OPCML: variants seen among roughly 807,000 people sequenced by gnomAD.
The protein encoded by OPCML is opioid binding protein/cell adhesion molecule like, also known as opioid-binding protein/cell adhesion molecule.
A neutral mutation model predicts 37.8 loss-of-function variants in OPCML; 13 were observed. The ratio of observed to expected loss-of-function variants is 0.34; its 90% CI spans 0.22 to 0.55. OPCML has a LOEUF of 0.55. OPCML is among the 20% of genes least tolerant of loss of function. OPCML has a pLI of 0.91. For synonymous variants in OPCML, 176 were observed against 168.8 expected (o/e 1.04, Z -0.33); for missense variants, 341 against 435.6 (o/e 0.78, Z 1.93).
At chr11:132,660,250 A>T (rs1219034431) in intron 2 of OPCML, among the ~76,000 whole-genome samples, 1 of 152,232 alleles carries the variant, frequency 6.6e-6, no homozygotes, top group Non-Finnish European at 1.5e-5. Flanking sequence ...CCTTGTTCAC[A>T]TAAGAAGATG....
chr11:132,668,610 C>A (rs1212363218), intron 2 of OPCML, among the ~76,000 whole-genome samples: 2 of 152,170 alleles, frequency 1.3e-5, no homozygotes, highest in Admixed American at 1.3e-4. Context: ...ATAATTCAAG[C>A]TCTATGATCT....
chr11:133,268,938 T>C (rs1246485621), intron 1 of OPCML, among the ~76,000 whole-genome samples: 1 of 152,188 alleles, frequency 6.6e-6, no homozygotes, highest in African/African-American at 2.4e-5. Context: ...AGGACTTACA[T>C]CCATTGTAAA....
chr11:133,179,432 T>C (rs1937714645), intron 1 of OPCML, among the ~76,000 whole-genome samples: 1 of 152,030 alleles, frequency 6.6e-6, no homozygotes, highest in African/African-American at 2.4e-5. Flanking sequence ...GAACAGCACC[T>C]GGGACTTCTC....
intron 1 of OPCML, among the ~76,000 whole-genome samples, chr11:133,342,193 C>A (rs1412439231): frequency 2.0e-5 from 3 of 152,064 alleles, no homozygotes; most frequent in African/African-American, 7.2e-5. Context: ...TTCAACCATC[C>A]CTAGAGGCCT....
At chr11:132,475,736 A>G (rs1380346874) in intron 4 of OPCML, among the ~76,000 whole-genome samples, 1 of 152,194 alleles carries the variant, frequency 6.6e-6, no homozygotes, top group South Asian at 2.1e-4. Flanking sequence ...ATTATGTAAT[A>G]TTTTCTTATG....
At chr11:132,938,886 A>G (rs184595576) in intron 2 of OPCML, among the ~76,000 whole-genome samples, 1 of 152,166 alleles carries the variant, frequency 6.6e-6, no homozygotes, top group Non-Finnish European at 1.5e-5. Flanking sequence ...ACTGGAAAAG[A>G]TGTTTTCAAT....
intron 1 of OPCML, among the ~76,000 whole-genome samples, chr11:132,972,375 C>T (rs577549607): frequency 6.6e-6 from 1 of 152,200 alleles, no homozygotes; most frequent in Admixed American, 6.5e-5. Flanking sequence ...GCAACTGCAA[C>T]CTGACTGGCA....
At chr11:133,421,685 T>A (rs1359730260) in intron 1 of OPCML, 16 of 985,306 alleles carry the variant, frequency 1.6e-5, no homozygotes, top group Non-Finnish European at 1.8e-5. Flanking sequence ...TTATTGAAAC[T>A]TGCCTTCCTT....
intron 2 of OPCML, among the ~76,000 whole-genome samples, chr11:132,745,604 GAAA>G (rs896705065): frequency 1.4e-5 from 2 of 140,246 alleles, no homozygotes; most frequent in Admixed American, 7.0e-5. Flanking sequence ...AAGAAAGAAA[GAAA>G]AAAAAAGGAC....
At chr11:133,084,726 C>T (rs1320697191) in intron 1 of OPCML, among the ~76,000 whole-genome samples, 6 of 152,214 alleles carry the variant, frequency 3.9e-5, no homozygotes, top group Non-Finnish European at 8.8e-5. Context: ...TCCTTCTGCA[C>T]TGCGAGTATG....
intron 1 of OPCML, among the ~76,000 whole-genome samples, chr11:133,069,559 CGT>C (rs1044720331): frequency 1.3e-5 from 2 of 152,162 alleles, no homozygotes; most frequent in Non-Finnish European, 2.9e-5. Context: ...CACTATCAAA[CGT>C]GTGTGTGCGA....
intron 1 of OPCML, chr11:133,118,074 G>T: frequency 1.6e-6 from 1 of 631,214 alleles, no homozygotes; most frequent in South Asian, 7.1e-5. Flanking sequence ...AAAGAAACAT[G>T]CCGCAGTCTG....
intron 1 of OPCML, among the ~76,000 whole-genome samples, chr11:133,121,929 T>C (rs1345858208): frequency 6.6e-6 from 1 of 152,232 alleles, no homozygotes; most frequent in East Asian, 1.9e-4. Context: ...TCATTTATAA[T>C]TACGCCTTAT....
At chr11:132,977,764 T>C (rs1283473551) in intron 1 of OPCML, among the ~76,000 whole-genome samples, 2 of 152,210 alleles carry the variant, frequency 1.3e-5, no homozygotes, top group Non-Finnish European at 2.9e-5. Flanking sequence ...TGTATTTAAT[T>C]CAATTCCAAA....
rs77274067 is a variant in OPCML at position 133,038,931 on chromosome 11, A to C, written c.62-95921T>G. On this transcript the variant is annotated intron_variant, in intron 1 of 7. Transcript: ENST00000524381. ...GACTGAGAGCTACAAAGCGTCCTGC[A>C]GTCTCATACTGCTTCTCATCTGTGA... 7.1e-3 allele frequency among the ~76,000 whole-genome samples: 1,080 copies of C among 152,216 alleles called. 14 individuals carry two copies. Among genetic ancestry groups the C allele is most frequent in the African/African-American group, 0.025 (1,024 of 41,532 alleles).
At chr11:133,030,549 G>A (rs980191504) in intron 1 of OPCML, among the ~76,000 whole-genome samples, 2 of 152,202 alleles carry the variant, frequency 1.3e-5, no homozygotes, top group East Asian at 1.9e-4. Context: ...TTCAAGGAAC[G>A]AATCCACATC....
intron 2 of OPCML, among the ~76,000 whole-genome samples, chr11:132,813,413 A>G (rs1939456334): frequency 6.6e-6 from 1 of 152,222 alleles, no homozygotes; most frequent in African/African-American, 2.4e-5. Context: ...TTAATTCTGC[A>G]GAAGTACCAG....
At chr11:133,125,674 G>T (rs1949492245) in intron 1 of OPCML, among the ~76,000 whole-genome samples, 1 of 127,672 alleles carries the variant, frequency 7.8e-6, no homozygotes, top group African/African-American at 3.0e-5. Context: ...ATATAGTATA[G>T]TATATGTATA....
intron 4 of OPCML, among the ~76,000 whole-genome samples, chr11:132,505,171 G>T (rs188450391): frequency 6.6e-6 from 1 of 152,308 alleles, no homozygotes; most frequent in Admixed American, 6.5e-5. Context: ...TCAAAAGGCA[G>T]AGAATAGGGG....
Sources: gnomAD v4.1 joint callset for allele counts (sites outside exome capture counted in the v4.1 genomes callset) on GRCh38, gnomAD v4.1.1 for gene constraint, MANE v1.5 for transcripts, NCBI Gene and HGNC (gene_info 2026-07-23, HGNC 2026-07-21) for gene names.